Variants in UNKL observed in about 807,000 individuals in gnomAD.
UNKL encodes putative E3 ubiquitin-protein ligase UNKL.
A neutral mutation model predicts 78.0 loss-of-function variants in UNKL; 60 were observed. That is an observed-to-expected ratio of 0.77 (90% confidence interval 0.63 to 0.95). The LOEUF (loss-of-function observed/expected upper bound fraction) is 0.95. Ranked by LOEUF, UNKL falls within the 40% of genes least tolerant of loss-of-function variation. The probability of loss-of-function intolerance (pLI) is 0.00; values close to 1 mark genes in which losing one functional copy is unlikely to be tolerated. For synonymous variants in UNKL, 608 were observed against 474.8 expected, an observed-to-expected ratio of 1.28 and a Z score of -3.65; for missense variants, 1,159 against 1,045.7, an observed-to-expected ratio of 1.11 and a Z score of -1.49.
chr16:1,394,058 CG>C, intron 7 of UNKL, 72 bp downstream of exon 7: 3 of 1,467,466 alleles, frequency 2.0e-6, no homozygotes, highest in Non-Finnish European at 2.8e-6. Flanking sequence ...TCCGGGTCAT[CG>C]GTAACTCCAG....
intron 10 of UNKL, among the ~76,000 whole-genome samples, chr16:1,381,857 A>G (rs1476895961): frequency 6.6e-6 from 1 of 152,196 alleles, no homozygotes; most frequent in Non-Finnish European, 1.5e-5. Context: ...ATGCAGAAGC[A>G]TCTCTGGAGC....
rs2036769015 is a variant in UNKL at position 1,385,325 on chromosome 16, C to CCACGCTGGAGCT, written c.1135_1146dup (p.Ser379_Val382dup). 16 of 1,423,346 alleles carry CCACGCTGGAGCT rather than the reference C, an allele frequency of 1.1e-5. No individual in the cohort carries two copies. Among genetic ancestry groups the CCACGCTGGAGCT allele is most frequent in the Middle Eastern group, 2.3e-4 (1 of 4,326 alleles). The allele number at this position is 1,423,346 out of a possible 1,614,324, so 88.2% of individuals were successfully genotyped here. A position where few individuals can be genotyped will look rare whatever the true frequency, so the allele number is the denominator to read the frequency against. Reference sequence around the variant, plus strand: ...CCGGCGCTGGACGCCAGGCTGGACGCCACGCTGGAGCTCACGCTGGGGGCC... The same window carrying CCACGCTGGAGCT: ...CCGGCGCTGGACGCCAGGCTGGACGCCACGCTGGAGCTCACGCTGGAGCTCACGCTGGGGGCC... On this transcript the variant is annotated inframe_insertion, in exon 10 of 15. Coordinates refer to ENST00000389221, the MANE Select transcript of UNKL (RefSeq NM_001372107.1).
intron 10 of UNKL, chr16:1,379,073 C>A (rs1235052902): frequency 6.6e-6 from 1 of 152,310 alleles, no homozygotes; most frequent in Non-Finnish European, 1.5e-5. Flanking sequence ...ACCACCGGCC[C>A]CGCTGAGTCA....
chr16:1,401,716 C>A lies in UNKL; in HGVS notation c.465-15G>T. On this transcript the variant is annotated splice_polypyrimidine_tract_variant and intron_variant, in intron 3 of 14. Coordinates refer to ENST00000389221, the MANE Select transcript of UNKL (RefSeq NM_001372107.1). ...CCTGCAGCTCCCTGCAAGCCGAGGACACAGTGGTCACAGCTCTGCATCTGG... is the reference window on the plus strand; with the variant it reads ...CCTGCAGCTCCCTGCAAGCCGAGGAAACAGTGGTCACAGCTCTGCATCTGG... The A allele has an allele frequency of 6.2e-7, 1 of 1,601,810 alleles. No homozygotes were observed.
chr16:1,401,005 C>T (rs1478491325), intron 4 of UNKL, among the ~76,000 whole-genome samples: 1 of 152,036 alleles, frequency 6.6e-6, no homozygotes, highest in Non-Finnish European at 1.5e-5. Flanking sequence ...CGTTTTTTTT[C>T]AAATCAAAAT....
In UNKL at chr16:1,366,299, G is replaced by A. The variant is rs1596630073; in HGVS notation, c.2143C>T (p.Pro715Ser). The A allele has an allele frequency of 4.4e-6, 7 of 1,599,702 alleles. No individual in the cohort carries two copies. Among genetic ancestry groups the A allele is most frequent in the Non-Finnish European group, 3.4e-6 (4 of 1,174,704 alleles). Residue 715 changes from proline (P) to serine (S), a missense_variant, in exon 15 of 15, where the codon CCG becomes TCG. Coordinates refer to ENST00000389221, the MANE Select transcript of UNKL (RefSeq NM_001372107.1). ...RPCQHHILCEPCAATAPECPY... is the reference protein window; with the variant it reads ...RPCQHHILCESCAATAPECPY... ...CACTCAGGTGCGGTGGCCGCACACG[G>A]CTCACAGAGGATGTGGTGCTGACAG... is the stretch of plus-strand genomic sequence containing the variant.
At chr16:1,413,388 G>A (rs982259487) in intron 2 of UNKL, among the ~76,000 whole-genome samples, 3 of 151,950 alleles carry the variant, frequency 2.0e-5, no homozygotes, top group South Asian at 4.1e-4. Flanking sequence ...AACCAACATG[G>A]AGAAACCCTG....
At position 1,371,621 on chromosome 16, in the gene UNKL, G is replaced by T. The variant is rs997910843; in HGVS notation, c.1265-10C>A. ...AGGTCTAACGCAGAACCTGTCAACA[G>T]AGCCCCCCATCATCCACAGCCCACC... On this transcript the variant is annotated splice_polypyrimidine_tract_variant and intron_variant, in intron 10 of 14. Coordinates refer to ENST00000389221, the MANE Select transcript of UNKL (RefSeq NM_001372107.1). 13 of 1,535,798 alleles carry T rather than the reference G, an allele frequency of 8.5e-6. No individual in the cohort carries two copies. The Admixed American group carries it at 2.2e-4, about 26-fold the overall frequency.
chr16:1,379,498 C>G (rs2036490564), intron 10 of UNKL: 1 of 985,268 alleles, frequency 1.0e-6, no homozygotes, highest in South Asian at 4.7e-5. Flanking sequence ...CACCCCGCGG[C>G]TGTCACACCC....
intron 6 of UNKL, chr16:1,396,975 G>A (rs2037293693): frequency 1.7e-6 from 1 of 576,392 alleles, no homozygotes; most frequent in Admixed American, 3.2e-5. Context: ...GAGACTCGCT[G>A]GCTGAGGGCA....
rs1011755667 is a variant in UNKL, at chr16:1,370,267, G to T, written c.1448C>A (p.Thr483Asn). Residue 483 changes from threonine to asparagine, a missense_variant, in exon 12 of 15, where the codon ACC becomes AAC. Coordinates refer to ENST00000389221, the MANE Select transcript of UNKL (RefSeq NM_001372107.1). ...CTGGGACAGCGAACCGAGCGGCGAG[G>T]TGGACGCAGAGGATGGCGAGTGTAG... is the stretch of plus-strand genomic sequence containing the variant. ...PSLHSPSSAS[T>N]SPLGSLSQPL... is the part of the protein sequence containing the mutation. 1.8e-5 allele frequency: 27 copies of T among 1,534,448 alleles called. No homozygotes were observed. Among genetic ancestry groups the T allele is most frequent in the Non-Finnish European group, 2.4e-5 (27 of 1,144,326 alleles).
At chr16:1,394,790 G>A (rs1331407132) in intron 6 of UNKL, among the ~76,000 whole-genome samples, 2 of 152,164 alleles carry the variant, frequency 1.3e-5, no homozygotes, top group African/African-American at 4.8e-5. Context: ...GTCCCAGCAG[G>A]AAGCCTCTCT....
intron 13 of UNKL, 84 bp from the exon 14 acceptor site, chr16:1,367,433 C>T (rs1176974065): frequency 1.7e-5 from 25 of 1,465,180 alleles, no homozygotes; most frequent in Admixed American, 4.2e-5. Context: ...AGCGATCCTC[C>T]CCTCCCCTCC....
chr16:1,401,446 G>T, intron 4 of UNKL, 122 bp downstream of exon 4: 4 of 1,254,540 alleles, frequency 3.2e-6, no homozygotes, highest in South Asian at 2.3e-5. Flanking sequence ...CACGAGCCTC[G>T]GTTTCCCCAT....
At chr16:1,410,778 T>TCA (rs2038005766) in intron 2 of UNKL, among the ~76,000 whole-genome samples, 1 of 152,136 alleles carries the variant, frequency 6.6e-6, no homozygotes, top group Non-Finnish European at 1.5e-5. Context: ...AGCCCAGACA[T>TCA]CAACTAGACA....
At position 1,399,716 on chromosome 16, in the gene UNKL, A is replaced by C. The variant is rs2037434750; in HGVS notation, c.599-207T>G. Reference sequence around the variant, plus strand: ...CCGGGCCAGAAGGCCACGTGGTGTGATTCTGTTTATGTGAAAATGCCCAGA... The same window carrying C: ...CCGGGCCAGAAGGCCACGTGGTGTGCTTCTGTTTATGTGAAAATGCCCAGA... On this transcript the variant is annotated intron_variant, in intron 4 of 14. Coordinates refer to ENST00000389221, the MANE Select transcript of UNKL (RefSeq NM_001372107.1). The surrounding 1 kb of genome is among the most constrained non-coding windows in gnomAD (Gnocchi z 5.8). Among the ~76,000 whole-genome samples the C allele has an allele frequency of 6.6e-6, 1 of 152,174 alleles. No individual in the cohort carries two copies. Among genetic ancestry groups the C allele is most frequent in the Non-Finnish European group, 1.5e-5 (1 of 68,032 alleles).
chr16:1,377,084 G>A (rs986246841), intron 10 of UNKL, among the ~76,000 whole-genome samples: 6 of 151,958 alleles, frequency 3.9e-5, no homozygotes, highest in Non-Finnish European at 8.8e-5. Flanking sequence ...GTGCAATGGC[G>A]CGATCTCAGC....
chr16:1,400,120 T>A (rs533603008), intron 4 of UNKL, among the ~76,000 whole-genome samples: 110 of 152,218 alleles, frequency 7.2e-4, no homozygotes, highest in African/African-American at 2.5e-3. Context: ...TAAAGCCTAT[T>A]TTTAGAAGTC....
In UNKL at chr16:1,367,710, G is replaced by C. The variant is rs142115515; in HGVS notation, c.1734C>G (p.Asp578Glu). 3.5e-5 allele frequency: 56 copies of C among 1,581,186 alleles called. No individual in the cohort carries two copies. The highest frequency in any genetic ancestry group is 2.5e-4 in the Admixed American group (14 of 55,274). The change falls in exon 13 of 15, where the codon GAC (aspartate) becomes GAG (glutamate). Residue 578 changes from aspartate to glutamate, a missense_variant. By Grantham distance (45) the Asp-to-Glu change is conservative. Transcript: ENST00000389221. The stretch of plus-strand genomic sequence containing the variant: ...ACTGCCGGATCTTCCTCTTGGCCTC[G>C]TCCAGCTGCCGCCTGACCCGGGCCA... ...AELARVRRQL[D>E]EAKRKIRQWE...
Sources: allele counts gnomAD v4.1 joint callset (sites outside exome capture counted in the v4.1 genomes callset), GRCh38; gene constraint gnomAD v4.1.1; non-coding constraint Gnocchi (gnomAD v3.1); transcripts MANE v1.5; gene names NCBI Gene and HGNC (gene_info 2026-07-23, HGNC 2026-07-21).